The following JAKMIP1 variants were observed in gnomAD, a reference collection of about 807,000 sequenced individuals.
JAKMIP1 encodes janus kinase and microtubule interacting protein 1.
JAKMIP1 carries 33 observed loss-of-function variants against 113.0 expected under a neutral mutation model. That is an observed-to-expected ratio of 0.29 (90% confidence interval 0.22 to 0.39). The LOEUF is 0.39. JAKMIP1 is among the 10% of genes least tolerant of loss of function. The probability of loss-of-function intolerance (pLI) is 1.00; values close to 1 mark genes in which losing one functional copy is unlikely to be tolerated. For synonymous variants in JAKMIP1, 480 were observed against 459.9 expected, an observed-to-expected ratio of 1.04 and a Z score of -0.56; for missense variants, 813 against 1,080.5, an observed-to-expected ratio of 0.75 and a Z score of 3.47.
chr4:6,097,273 A>G lies in JAKMIP1; in HGVS notation c.624+8200T>C, dbSNP rs1247312960. 2.0e-5 allele frequency among the ~76,000 whole-genome samples: 3 copies of G among 152,250 alleles called. No individual in the cohort carries two copies. The highest frequency in any genetic ancestry group is 4.8e-5 in the African/African-American group (2 of 41,466). On this transcript the variant is annotated intron_variant, in intron 3 of 20. Transcript: ENST00000409021. This position sits in a 1 kb window ranked among gnomAD's most constrained non-coding sequence, Gnocchi z 4.3. ...CAGCCTCCTGATGTATTGGGATTACAGTCATGAGCCATCTCGCCCCGTTCT... is the reference window on the plus strand; with the variant it reads ...CAGCCTCCTGATGTATTGGGATTACGGTCATGAGCCATCTCGCCCCGTTCT...
rs79086582 is a variant in JAKMIP1 at position 6,065,710 on chromosome 4, T to C, written c.1303-702A>G. On this transcript the variant is annotated intron_variant, in intron 8 of 20. Transcript: ENST00000409021. The surrounding 1 kb of genome is among the most constrained non-coding windows in gnomAD (Gnocchi z 5.1). ...ACCATCACTCAGATCCAGAGGCAAA[T>C]TGTAAGGCTCTATGTGACGGCCTCT... Among the ~76,000 whole-genome samples, 26 of 152,298 alleles carry C rather than the reference T, an allele frequency of 1.7e-4. No individual in the cohort carries two copies. The East Asian group carries it at 5.0e-3, about 29-fold the overall frequency.
At chr4:6,151,019 T>G (rs1721509861) in intron 1 of JAKMIP1, among the ~76,000 whole-genome samples, 1 of 151,940 alleles carries the variant, frequency 6.6e-6, no homozygotes, top group Non-Finnish European at 1.5e-5. Flanking sequence ...AGCTTTGGCT[T>G]CTATGTGACC....
chr4:6,030,189 T>G (rs1712423033), intron 19 of JAKMIP1, among the ~76,000 whole-genome samples: 1 of 151,776 alleles, frequency 6.6e-6, no homozygotes, highest in South Asian at 2.1e-4. Flanking sequence ...GGGTGGGATG[T>G]GACACCACAT....
chr4:6,037,047 G>A (rs6446442), intron 18 of JAKMIP1, among the ~76,000 whole-genome samples: 9 of 138,598 alleles, frequency 6.5e-5, no homozygotes, highest in African/African-American at 1.3e-4. Context: ...GAGGCTAACC[G>A]GTATCCCTCC....
At chr4:6,055,353 A>G (rs1282835858) in intron 12 of JAKMIP1, among the ~76,000 whole-genome samples, 1 of 152,236 alleles carries the variant, frequency 6.6e-6, no homozygotes, top group East Asian at 1.9e-4. Context: ...ATTTACAAAA[A>G]GAATAAGTGA....
intron 13 of JAKMIP1, among the ~76,000 whole-genome samples, chr4:6,053,304 G>A (rs747572115): frequency 2.0e-5 from 3 of 152,204 alleles, no homozygotes; most frequent in Non-Finnish European, 2.9e-5. Flanking sequence ...AGTTCCTGAA[G>A]GAACAGGATT....
intron 19 of JAKMIP1, among the ~76,000 whole-genome samples, chr4:6,030,122 A>T (rs1712409634): frequency 6.6e-6 from 1 of 152,238 alleles, no homozygotes; most frequent in Admixed American, 6.5e-5. Flanking sequence ...TTTTAAAAAC[A>T]AAACATCGAG....
At position 6,175,928 on chromosome 4, in the gene JAKMIP1, C is replaced by T. The variant is rs779155903; in HGVS notation, c.-148+24325G>A. Among the ~76,000 whole-genome samples, 7 of 152,358 alleles carry T rather than the reference C, an allele frequency of 4.6e-5. No individual in the cohort carries two copies. In the South Asian group the frequency reaches 8.3e-4, roughly 18 times the overall value. ...CTGGGGTTCCATCTAGCAGAGATAA[C>T]GGTGCTACCACTGTCCACAGGGCTG... On this transcript the variant is annotated intron_variant, in intron 1 of 20. Coordinates refer to ENST00000409021, the MANE Select transcript of JAKMIP1 (RefSeq NM_001099433.2).
In JAKMIP1 at chr4:6,051,426, C is replaced by T. The variant is rs957752808; in HGVS notation, c.1807-747G>A. 4.6e-5 allele frequency among the ~76,000 whole-genome samples: 7 copies of T among 152,010 alleles called. No individual in the cohort carries two copies. Among genetic ancestry groups the T allele is most frequent in the South Asian group, 2.1e-4 (1 of 4,826 alleles). ...GATTTTGTTTCTTTTTTAGTAGAGA[C>T]GGGGTTTCACCATGTTGGCCAGGCT... On this transcript the variant is annotated intron_variant, in intron 13 of 20. Transcript: ENST00000409021. This position sits in a 1 kb window ranked among gnomAD's most constrained non-coding sequence, Gnocchi z 5.0.
intron 17 of JAKMIP1, among the ~76,000 whole-genome samples, chr4:6,041,383 G>C (rs953386162): frequency 6.6e-6 from 1 of 152,112 alleles, no homozygotes; most frequent in Non-Finnish European, 1.5e-5. Flanking sequence ...AGGCCTTCTG[G>C]CATCAGTCAG....
chr4:6,029,599 G>T, intron 20 of JAKMIP1, 117 bp downstream of exon 20: 1 of 695,274 alleles, frequency 1.4e-6, no homozygotes, highest in Non-Finnish European at 2.5e-6. Flanking sequence ...GGGAAGAAGG[G>T]CAGAGAAAGG....
At chr4:6,039,232 G>A (rs143268089) in intron 18 of JAKMIP1, among the ~76,000 whole-genome samples, 3,384 of 152,276 alleles carry the variant, frequency 0.022, 57 homozygotes, top group South Asian at 0.068. Context: ...ACAAAGGAAG[G>A]GTGGACCCCA....
intron 19 of JAKMIP1, among the ~76,000 whole-genome samples, chr4:6,033,193 T>C (rs28735576): frequency 0.28 from 42,565 of 152,154 alleles, 9,865 homozygotes; most frequent in African/African-American, 0.64. Context: ...CAGCTGGGGC[T>C]GGGCAGGGGA....
rs1372083825 is a variant in JAKMIP1, at chr4:6,135,117, C to T, written c.-147-22120G>A. On this transcript the variant is annotated intron_variant, in intron 1 of 20. Transcript: ENST00000409021. The surrounding 1 kb of genome is among the most constrained non-coding windows in gnomAD (Gnocchi z 4.9). ...CCACTCCTCCCCATCCTCTCCCATT[C>T]TCAAGCCATGGTATATGGGCTGACT... 6.6e-6 allele frequency among the ~76,000 whole-genome samples: 1 copy of T among 152,178 alleles called. No individual in the cohort carries two copies. The highest frequency in any genetic ancestry group is 2.4e-5 in the African/African-American group (1 of 41,432).
Position 6,065,105 on chromosome 4 carries a change from T to A in JAKMIP1, c.1303-97A>T. On this transcript the variant is annotated intron_variant, in intron 8 of 20. Coordinates refer to ENST00000409021, the MANE Select transcript of JAKMIP1 (RefSeq NM_001099433.2). The surrounding 1 kb of genome is among the most constrained non-coding windows in gnomAD (Gnocchi z 5.1). The stretch of plus-strand genomic sequence containing the variant: ...GCATGCCAGTGCAGGGGGGTGATGA[T>A]TGACATTTGGGCCACTGGGGCATCA... 1.3e-6 allele frequency: 2 copies of A among 1,483,688 alleles called. No homozygotes were observed. Among genetic ancestry groups the A allele is most frequent in the Admixed American group, 3.4e-5 (2 of 59,262 alleles). The allele number at this position is 1,483,688 out of a possible 1,614,324, so 91.9% of individuals were successfully genotyped here.
chr4:6,046,136 C>A (rs1305401623), intron 16 of JAKMIP1, among the ~76,000 whole-genome samples: 1 of 152,122 alleles, frequency 6.6e-6, no homozygotes, highest in East Asian at 1.9e-4. Flanking sequence ...TTCTCACGTC[C>A]CAGGAAAGCT....
At chr4:6,070,630 A>T (rs1195181523) in intron 8 of JAKMIP1, among the ~76,000 whole-genome samples, 1 of 152,248 alleles carries the variant, frequency 6.6e-6, no homozygotes, top group African/African-American at 2.4e-5. Flanking sequence ...CCGGGGCAGC[A>T]CTAGCAATGG....
intron 2 of JAKMIP1, among the ~76,000 whole-genome samples, chr4:6,107,893 G>A (rs1304924114): frequency 1.3e-5 from 2 of 152,162 alleles, no homozygotes; most frequent in Admixed American, 6.5e-5. Flanking sequence ...GTTGAGAGGA[G>A]GAAGATGAGG....
chr4:6,150,630 G>T lies in JAKMIP1; in HGVS notation c.-147-37633C>A, dbSNP rs1005462679. On this transcript the variant is annotated intron_variant, in intron 1 of 20. Coordinates refer to ENST00000409021, the MANE Select transcript of JAKMIP1 (RefSeq NM_001099433.2). The surrounding 1 kb of genome is among the most constrained non-coding windows in gnomAD (Gnocchi z 4.8). ...ACAGACCACGGGGCCGGCAGCACCTGCATCAGCGTCTGTCTGGCTTCCTCT... is the reference window on the plus strand; with the variant it reads ...ACAGACCACGGGGCCGGCAGCACCTTCATCAGCGTCTGTCTGGCTTCCTCT... 6.6e-6 allele frequency: 1 copy of T among 152,240 alleles called. No individual in the cohort carries two copies. The highest frequency in any genetic ancestry group is 1.5e-5 in the Non-Finnish European group (1 of 68,068). 9.4% of individuals were successfully genotyped at this position (152,240 alleles called of 1,614,324 possible).
Sources: gnomAD v4.1 joint callset for allele counts (sites outside exome capture counted in the v4.1 genomes callset) on GRCh38, gnomAD v4.1.1 for gene constraint, Gnocchi (gnomAD v3.1) non-coding constraint, MANE v1.5 for transcripts, NCBI Gene and HGNC (gene_info 2026-07-23, HGNC 2026-07-21) for gene names.